The following SEMA3C variants were observed in gnomAD, a reference collection of about 807,000 sequenced individuals.
SEMA3C encodes semaphorin-3C.
In SEMA3C, 47 loss-of-function variants were observed where a neutral mutation model predicts 89.4. The ratio of observed to expected loss-of-function variants is 0.53; its 90% CI spans 0.42 to 0.67. The LOEUF (loss-of-function observed/expected upper bound fraction) is 0.67. Ranked by LOEUF, SEMA3C falls within the 30% of genes least tolerant of loss-of-function variation. SEMA3C has a pLI of 0.00. For missense variants in SEMA3C, 839 were observed against 929.1 expected, an observed-to-expected ratio of 0.90 and a Z score of 1.26; for synonymous variants, 310 against 320.2, an observed-to-expected ratio of 0.97 and a Z score of 0.34.
In SEMA3C at chr7:80,800,747, G is replaced by T; in HGVS notation, c.986+10C>A. The T allele has an allele frequency of 6.7e-7, 1 of 1,496,390 alleles. No individual in the cohort carries two copies. Among genetic ancestry groups the T allele is most frequent in the Non-Finnish European group, 9.0e-7 (1 of 1,107,182 alleles). 92.7% of individuals were successfully genotyped at this position (1,496,390 alleles called of 1,614,324 possible). A position where few individuals can be genotyped will look rare whatever the true frequency, so the allele number is the denominator to read the frequency against. On this transcript the variant is annotated intron_variant, in intron 10 of 17. Coordinates refer to ENST00000265361, the MANE Select transcript of SEMA3C (RefSeq NM_006379.5). Reference sequence around the variant, plus strand: ...GTTTAACTCATAAAATGTAACTGTTGAATAATTACCTTGATGTTGTAAAAA... The same window carrying T: ...GTTTAACTCATAAAATGTAACTGTTTAATAATTACCTTGATGTTGTAAAAA...
rs745343127 is a variant in SEMA3C at position 80,818,428 on chromosome 7, T to A, written c.328-10A>T. The stretch of plus-strand genomic sequence containing the variant: ...AGTTCCCACAGCCGTGCTAAAAGAA[T>A]CAGTAAATAAGCAGTTAGTAACTCA... On this transcript the variant is annotated splice_polypyrimidine_tract_variant and intron_variant, in intron 4 of 17. Transcript: ENST00000265361. The A allele has an allele frequency of 6.2e-7, 1 of 1,610,764 alleles. No homozygotes were observed. Among genetic ancestry groups the A allele is most frequent in the South Asian group, 1.1e-5 (1 of 90,930 alleles).
chr7:80,751,259 C>T lies in SEMA3C; in HGVS notation c.1711+10G>A. 1.2e-6 allele frequency: 2 copies of T among 1,612,690 alleles called. No homozygotes were observed. Among genetic ancestry groups the T allele is most frequent in the African/African-American group, 1.3e-5 (1 of 75,026 alleles). On this transcript the variant is annotated intron_variant, in intron 16 of 17. Coordinates refer to ENST00000265361, the MANE Select transcript of SEMA3C (RefSeq NM_006379.5). ...GTTCACTGAGATTGGCCATTGCTCA[C>T]TTTTAATACCTTTTAGATTAAATCC... is the stretch of plus-strand genomic sequence containing the variant.
At chr7:80,793,158 A>C (rs893450755) in intron 11 of SEMA3C, among the ~76,000 whole-genome samples, 1 of 152,194 alleles carries the variant, frequency 6.6e-6, no homozygotes, top group Non-Finnish European at 1.5e-5. Flanking sequence ...AGCAGTGATA[A>C]GCCCTCCTTT....
intron 1 of SEMA3C, chr7:80,918,418 T>C (rs1005618595): frequency 1.3e-5 from 2 of 152,194 alleles, no homozygotes; most frequent in African/African-American, 4.8e-5. Context: ...CACCTAGTGA[T>C]GAGGAGTGAA....
At chr7:80,752,652 G>C (rs1350532696) in intron 15 of SEMA3C, among the ~76,000 whole-genome samples, 2 of 151,302 alleles carry the variant, frequency 1.3e-5, no homozygotes, top group East Asian at 3.9e-4. Flanking sequence ...TTGCAAACTG[G>C]TCATTATTTA....
At chr7:80,803,301 A>G (rs1304799906) in intron 8 of SEMA3C, among the ~76,000 whole-genome samples, 2 of 152,162 alleles carry the variant, frequency 1.3e-5, no homozygotes, top group Non-Finnish European at 2.9e-5. Context: ...ATAAGGAGAA[A>G]TGGCATTTGG....
chr7:80,872,334 G>A (rs1386487905), intron 2 of SEMA3C, among the ~76,000 whole-genome samples: 1 of 151,806 alleles, frequency 6.6e-6, no homozygotes, highest in Non-Finnish European at 1.5e-5. Flanking sequence ...TCTATTTTTA[G>A]TAGAGACAAG....
chr7:80,868,872 A>T (rs1790992039), intron 2 of SEMA3C, among the ~76,000 whole-genome samples: 2 of 152,182 alleles, frequency 1.3e-5, no homozygotes, highest in Non-Finnish European at 2.9e-5. Flanking sequence ...AAAACAATTT[A>T]TCTGTAAATT....
At chr7:80,914,119 T>G (rs188979137) in intron 2 of SEMA3C, among the ~76,000 whole-genome samples, 1 of 152,186 alleles carries the variant, frequency 6.6e-6, no homozygotes, top group Admixed American at 6.5e-5. Context: ...CTAATACAAC[T>G]TGAAACTATC....
intron 2 of SEMA3C, among the ~76,000 whole-genome samples, chr7:80,839,154 G>A (rs1399979284): frequency 6.6e-6 from 1 of 152,090 alleles, no homozygotes; most frequent in Non-Finnish European, 1.5e-5. Context: ...CTAAAAAGTA[G>A]AATAAAATCT....
chr7:80,769,993 T>C (rs1286686032), intron 12 of SEMA3C, among the ~76,000 whole-genome samples: 1 of 152,054 alleles, frequency 6.6e-6, no homozygotes, highest in Admixed American at 6.6e-5. Context: ...TGGTAATGAG[T>C]TCCCTGTATG....
At position 80,745,281 on chromosome 7, in the gene SEMA3C, G is replaced by A. The variant is rs1351452172; in HGVS notation, c.1869C>T (p.Ala623=). 6.2e-7 allele frequency: 1 copy of A among 1,613,710 alleles called. No homozygotes were observed. The highest frequency in any genetic ancestry group is 1.3e-5 in the African/African-American group (1 of 75,004). ...AGCGGATCAGGAGTCCCTGTGAAGT[G>A]GCTATTATTCGTTCATTCAGCTTAA... ...KEVKLNERII[A]TSQGLLIRSV... The change falls in exon 18 of 18, where the codon GCC becomes GCT. Residue 623 remains alanine (A), a synonymous_variant. Coordinates refer to ENST00000265361, the MANE Select transcript of SEMA3C (RefSeq NM_006379.5).
intron 2 of SEMA3C, among the ~76,000 whole-genome samples, chr7:80,856,323 G>A (rs533227500): frequency 3.3e-5 from 5 of 151,536 alleles, no homozygotes; most frequent in African/African-American, 4.8e-5. Flanking sequence ...GGCAAACCAC[G>A]TCCACTTCTT....
intron 12 of SEMA3C, among the ~76,000 whole-genome samples, chr7:80,775,759 A>T (rs1281130215): frequency 2.6e-5 from 4 of 152,114 alleles, no homozygotes; most frequent in Non-Finnish European, 5.9e-5. Flanking sequence ...GGTGTGGTCC[A>T]AGGTTCTGCA....
chr7:80,812,755 T>C (rs997036079), intron 5 of SEMA3C, among the ~76,000 whole-genome samples: 2 of 152,016 alleles, frequency 1.3e-5, no homozygotes, highest in Non-Finnish European at 2.9e-5. Context: ...TTTTCTCTTT[T>C]TGACTTTGAT....
intron 2 of SEMA3C, among the ~76,000 whole-genome samples, chr7:80,879,555 C>A (rs1421715590): frequency 6.6e-6 from 1 of 152,138 alleles, no homozygotes; most frequent in Non-Finnish European, 1.5e-5. Flanking sequence ...TCCCTTCAGT[C>A]CATGCATTCA....
At chr7:80,863,954 A>G (rs958435979) in intron 2 of SEMA3C, among the ~76,000 whole-genome samples, 1 of 132,772 alleles carries the variant, frequency 7.5e-6, no homozygotes, top group Non-Finnish European at 1.6e-5. Flanking sequence ...TATGTATATC[A>G]CATGTATATC....
Position 80,798,188 on chromosome 7 carries a change from T to TAA in SEMA3C, c.1034_1035insTT (p.Gln346TyrfsTer19). On this transcript the variant is annotated frameshift_variant, in exon 11 of 18. Transcript: ENST00000265361. LOFTEE classifies it high-confidence loss of function. ...CAAAAGGCCCATTAAACACAGTCTG[T>TAA]ATATCAGATAAATGATACACACACA... The TAA allele has an allele frequency of 6.3e-7, 1 of 1,590,854 alleles. No individual in the cohort carries two copies. Among genetic ancestry groups the TAA allele is most frequent in the Non-Finnish European group, 8.5e-7 (1 of 1,171,036 alleles).
intron 4 of SEMA3C, among the ~76,000 whole-genome samples, chr7:80,827,185 A>G (rs533093648): frequency 1.3e-5 from 2 of 152,164 alleles, no homozygotes; most frequent in South Asian, 4.1e-4. Context: ...CCATCATGAA[A>G]TGTATCTGAA....
Sources: gnomAD v4.1 joint callset for allele counts (sites outside exome capture counted in the v4.1 genomes callset) on GRCh38, gnomAD v4.1.1 for gene constraint, MANE v1.5 for transcripts, NCBI Gene and HGNC (gene_info 2026-07-23, HGNC 2026-07-21) for gene names.